SNRK: variants seen among roughly 807,000 people sequenced by gnomAD.
The protein encoded by SNRK is SNF related kinase.
Under a neutral mutation model 48.2 loss-of-function variants are expected in SNRK, and 3 were observed. That is an observed-to-expected ratio of 0.06 (90% CI 0.03 to 0.16). The LOEUF is 0.16. Ranked by LOEUF, SNRK falls within the 10% of genes least tolerant of loss-of-function variation. The probability of loss-of-function intolerance (pLI) is 1.00; values close to 1 mark genes in which losing one functional copy is unlikely to be tolerated. For missense variants in SNRK, 627 were observed against 976.0 expected (o/e 0.64, Z 4.76); for synonymous variants, 376 against 366.1 (o/e 1.03, Z -0.31).
At chr3:43,336,748 T>TGTTTTG (rs1208013767) in intron 4 of SNRK, among the ~76,000 whole-genome samples, 148,451 of 151,810 alleles carry the variant, frequency 0.98, 72,665 homozygotes, top group Non-Finnish European at 1. Context: ...TTTGTTTGTT[T>TGTTTTG]GTTTTGGTTT....
At chr3:43,310,701 C>T (rs150439715) in intron 3 of SNRK, among the ~76,000 whole-genome samples, 2 of 152,264 alleles carry the variant, frequency 1.3e-5, no homozygotes, top group East Asian at 1.9e-4. Context: ...TTTGAAGATA[C>T]GTTTTTCACA....
At chr3:43,346,138 C>G (rs1014277883) in intron 6 of SNRK, among the ~76,000 whole-genome samples, 1 of 152,204 alleles carries the variant, frequency 6.6e-6, no homozygotes, top group Non-Finnish European at 1.5e-5. Context: ...GAAGTTAACC[C>G]ATAAGCAGGA....
chr3:43,305,362 T>C (rs1446915056), intron 3 of SNRK, among the ~76,000 whole-genome samples: 4 of 152,216 alleles, frequency 2.6e-5, no homozygotes, highest in African/African-American at 7.2e-5. Flanking sequence ...TCGTTCAGTA[T>C]TCATATTCTG....
At chr3:43,329,257 T>C (rs1358181369) in intron 3 of SNRK, among the ~76,000 whole-genome samples, 1 of 152,010 alleles carries the variant, frequency 6.6e-6, no homozygotes, top group African/African-American at 2.4e-5. Flanking sequence ...GCTAACACAG[T>C]GAAACCTCGT....
intron 3 of SNRK, among the ~76,000 whole-genome samples, chr3:43,324,102 A>G (rs530556225): frequency 6.6e-6 from 1 of 152,376 alleles, no homozygotes; most frequent in South Asian, 2.1e-4. Flanking sequence ...GGAAAAAATA[A>G]TCAGGCCAGT....
rs367687295 is a variant in SNRK, at chr3:43,307,284, T to A, written c.589+3492T>A. 2.0e-4 allele frequency among the ~76,000 whole-genome samples: 31 copies of A among 152,354 alleles called. No homozygotes were observed. In the East Asian group the frequency reaches 5.2e-3, roughly 26 times the overall value. On this transcript the variant is annotated intron_variant, in intron 3 of 6. Coordinates refer to ENST00000296088, the MANE Select transcript of SNRK (RefSeq NM_017719.5). ...ACGAAAGTATACTCCTTGATACATA[T>A]TGCCTTAAATTCTGTTTTGTCATTG...
rs919301649 is a variant in SNRK at position 43,348,902 on chromosome 3, T to C, written c.*345T>C. On this transcript the variant is annotated 3_prime_UTR_variant, in exon 7 of 7. Transcript: ENST00000296088. ...CTAGAGAGAGAAAAAATGCTTTTCT[T>C]TGTGAAAAATCTGAATTCCTGTCCT... 6.3e-5 allele frequency: 11 copies of C among 173,810 alleles called. No homozygotes were observed. Among genetic ancestry groups the C allele is most frequent in the Middle Eastern group, 2.6e-3 (1 of 386 alleles). The allele number at this position is 173,810 out of a possible 1,614,324, so 10.8% of individuals were successfully genotyped here.
intron 3 of SNRK, among the ~76,000 whole-genome samples, chr3:43,309,225 G>C (rs1351155041): frequency 1.3e-5 from 2 of 152,072 alleles, no homozygotes; most frequent in East Asian, 3.9e-4. Context: ...GTGGTTTCTT[G>C]AGATGGATTC....
At chr3:43,330,092 T>C (rs930935591) in intron 3 of SNRK, among the ~76,000 whole-genome samples, 2 of 152,220 alleles carry the variant, frequency 1.3e-5, no homozygotes, top group Middle Eastern at 3.2e-3. Context: ...TGGAAAGATA[T>C]GAATTTATTG....
intron 3 of SNRK, among the ~76,000 whole-genome samples, chr3:43,314,657 T>C (rs2125627892): frequency 6.6e-6 from 1 of 152,332 alleles, no homozygotes; most frequent in South Asian, 2.1e-4. Context: ...GTTAAGATGT[T>C]TAAATATTTT....
chr3:43,328,452 A>C (rs4682881), intron 3 of SNRK, among the ~76,000 whole-genome samples: 147,395 of 152,136 alleles, frequency 0.97, 71,574 homozygotes, highest in East Asian at 1. Context: ...CACACTGTGG[A>C]CTCAAATTCC....
intron 3 of SNRK, among the ~76,000 whole-genome samples, chr3:43,310,838 G>C (rs1190022103): frequency 6.6e-6 from 1 of 152,118 alleles, no homozygotes; most frequent in Admixed American, 6.5e-5. Flanking sequence ...TATTTTAACA[G>C]TTCCGAAAGT....
At chr3:43,290,629 T>C (rs1365757274) in intron 1 of SNRK, among the ~76,000 whole-genome samples, 4 of 152,232 alleles carry the variant, frequency 2.6e-5, no homozygotes, top group African/African-American at 7.2e-5. Context: ...TTCAGTTGTC[T>C]GCTTACCTGT....
intron 2 of SNRK, among the ~76,000 whole-genome samples, chr3:43,302,070 C>G (rs991465372): frequency 3.3e-5 from 5 of 152,248 alleles, no homozygotes; most frequent in African/African-American, 1.2e-4. Context: ...TGTAAGAATG[C>G]ATGCCTGTTT....
At chr3:43,345,898 A>C (rs1002773682) in intron 6 of SNRK, among the ~76,000 whole-genome samples, 3 of 152,242 alleles carry the variant, frequency 2.0e-5, no homozygotes, top group African/African-American at 7.2e-5. Flanking sequence ...GTACATTCGT[A>C]TGGAAGAACA....
intron 4 of SNRK, among the ~76,000 whole-genome samples, chr3:43,337,915 G>A (rs771652720): frequency 6.6e-6 from 1 of 151,942 alleles, no homozygotes; most frequent in Non-Finnish European, 1.5e-5. Flanking sequence ...TTTGGGTGGG[G>A]ACACAAAGCC....
chr3:43,339,012 T>TACA (rs1254371028), intron 4 of SNRK, among the ~76,000 whole-genome samples: 3 of 152,240 alleles, frequency 2.0e-5, no homozygotes, highest in African/African-American at 4.8e-5. Context: ...GTCTTGCTGT[T>TACA]GGTACCTTGT....
In SNRK at chr3:43,347,697, A is replaced by C. The variant is rs1332576150; in HGVS notation, c.1438A>C (p.Arg480=). ...ATCTGTAACCAACCGCCTGACATCC[A>C]GGAAGAGTGCGCCCGTCCTCAACCA... is the stretch of plus-strand genomic sequence containing the variant. The part of the protein sequence containing the change: ...KPSVTNRLTS[R]KSAPVLNQIF... Residue 480 remains arginine (R), a synonymous_variant, in exon 7 of 7, where the codon AGG becomes CGG. Transcript: ENST00000296088. The surrounding 1 kb of genome is among the most constrained non-coding windows in gnomAD (Gnocchi z 5.4). The C allele has an allele frequency of 3.1e-6, 5 of 1,613,818 alleles. No homozygotes were observed. In the Admixed American group the frequency reaches 6.7e-5, roughly 22 times the overall value.
intron 3 of SNRK, among the ~76,000 whole-genome samples, chr3:43,314,381 G>A (rs2091000085): frequency 6.6e-6 from 1 of 152,064 alleles, no homozygotes; most frequent in Non-Finnish European, 1.5e-5. Context: ...CTTGTCTTGT[G>A]AAAAGGTAAA....
Sources: allele counts gnomAD v4.1 joint callset (sites outside exome capture counted in the v4.1 genomes callset), GRCh38; gene constraint gnomAD v4.1.1; non-coding constraint Gnocchi (gnomAD v3.1); transcripts MANE v1.5; gene names NCBI Gene and HGNC (gene_info 2026-07-23, HGNC 2026-07-21).